Variants in FSTL4 observed in about 807,000 individuals in gnomAD.
FSTL4 encodes follistatin like 4.
A neutral mutation model predicts 78.2 loss-of-function variants in FSTL4; 28 were observed. The observed-to-expected ratio is 0.36, with a 90% confidence interval of 0.27 to 0.49. The LOEUF (loss-of-function observed/expected upper bound fraction) is 0.49. Ranked by LOEUF, FSTL4 falls within the 20% of genes least tolerant of loss-of-function variation. The pLI, the probability that FSTL4 is intolerant of heterozygous loss-of-function variation, is 0.98. For missense variants in FSTL4, 922 were observed against 1,084.9 expected (o/e 0.85, Z 2.11); for synonymous variants, 422 against 440.5 (o/e 0.96, Z 0.53).
chr5:133,341,318 C>G (rs552256011), intron 4 of FSTL4, among the ~76,000 whole-genome samples: 1 of 147,100 alleles, frequency 6.8e-6, no homozygotes, highest in East Asian at 2.0e-4. Context: ...AATTCAAACA[C>G]ATGCACATTA....
the FSTL4 span, among the ~76,000 whole-genome samples, chr5:133,683,560 A>G: frequency 6.6e-6 from 1 of 152,204 alleles, no homozygotes; most frequent in African/African-American, 2.4e-5. Flanking sequence ...TTCACAGGCC[A>G]TGCATCAAGA....
intron 4 of FSTL4, among the ~76,000 whole-genome samples, chr5:133,357,196 C>G (rs1754960514): frequency 6.6e-6 from 1 of 152,188 alleles, no homozygotes; most frequent in African/African-American, 2.4e-5. Flanking sequence ...TTCACCTCAG[C>G]TGGCCTTGGA....
rs373202386 is a variant in FSTL4 at position 133,291,802 on chromosome 5, G to C, written c.727+20852C>G. On this transcript the variant is annotated intron_variant, in intron 6 of 15. Transcript: ENST00000265342. Reference sequence around the variant, plus strand: ...GGGTGTGGACGGAGCACAGAGGGAAGCCAGGGGTCAGGATGAAGGCCATGG... The same window carrying C: ...GGGTGTGGACGGAGCACAGAGGGAACCCAGGGGTCAGGATGAAGGCCATGG... Among the ~76,000 whole-genome samples the C allele has an allele frequency of 3.7e-3, 570 of 152,278 alleles. 2 individuals carry two copies. Among genetic ancestry groups the C allele is most frequent in the Middle Eastern group, 0.014 (4 of 294 alleles).
At chr5:133,492,264 A>G (rs1348456856) in intron 3 of FSTL4, among the ~76,000 whole-genome samples, 3 of 152,198 alleles carry the variant, frequency 2.0e-5, no homozygotes, top group South Asian at 4.1e-4. Context: ...TTTATTATCA[A>G]TGCTTTTCTT....
chr5:133,257,588 C>A (rs946001680), intron 6 of FSTL4, among the ~76,000 whole-genome samples: 5 of 152,140 alleles, frequency 3.3e-5, no homozygotes, highest in African/African-American at 1.2e-4. Context: ...GAACTCAGTG[C>A]CCAGGGGCTG....
rs199617112 is a variant in FSTL4, at chr5:133,316,462, A to G, written c.600T>C (p.Ala200=). The stretch of plus-strand genomic sequence containing the variant: ...TTTCACTGAACACGATGCCCACCTG[A>G]GCCAGTTCGGAGCTGCTGAGGTGGC... ...GNGHLSSSEL[A]QHVLKKQDLD... is the part of the protein sequence containing the mutation. Residue 200 remains alanine (A), a synonymous_variant, in exon 5 of 16, where the codon GCT becomes GCC. Coordinates refer to ENST00000265342, the MANE Select transcript of FSTL4 (RefSeq NM_015082.2). The G allele has an allele frequency of 3.1e-6, 5 of 1,612,892 alleles. No homozygotes were observed. The highest frequency in any genetic ancestry group is 1.7e-4 in the Middle Eastern group (1 of 6,058).
chr5:133,213,590 A>C lies in FSTL4; in HGVS notation c.1609-3292T>G, dbSNP rs900270067. On this transcript the variant is annotated intron_variant, in intron 13 of 15. Coordinates refer to ENST00000265342, the MANE Select transcript of FSTL4 (RefSeq NM_015082.2). ...AATTTGTATGAGACTGTATTGATGC[A>C]ATGATGCATGTTATAATCACTATTA... Among the ~76,000 whole-genome samples, 6 of 152,222 alleles carry C rather than the reference A, an allele frequency of 3.9e-5. No individual in the cohort carries two copies. In the East Asian group the frequency reaches 1.2e-3, roughly 29 times the overall value.
At chr5:133,529,252 T>C (rs1042574980) in intron 3 of FSTL4, among the ~76,000 whole-genome samples, 1 of 152,228 alleles carries the variant, frequency 6.6e-6, no homozygotes, top group African/African-American at 2.4e-5. Flanking sequence ...TCAGAAAAGA[T>C]AAATGACTTG....
chr5:133,659,279 A>G, the FSTL4 span, among the ~76,000 whole-genome samples: 1 of 152,248 alleles, frequency 6.6e-6, no homozygotes, highest in South Asian at 2.1e-4. Flanking sequence ...ATGACACATT[A>G]TCAGAGGTGT....
intron 3 of FSTL4, among the ~76,000 whole-genome samples, chr5:133,473,867 C>G (rs1372803270): frequency 6.6e-6 from 1 of 152,114 alleles, no homozygotes; most frequent in Non-Finnish European, 1.5e-5. Context: ...ATAAAACCAT[C>G]AGATCTTGTG....
At chr5:133,810,224 C>A in the FSTL4 span, among the ~76,000 whole-genome samples, 3 of 152,202 alleles carry the variant, frequency 2.0e-5, no homozygotes, top group African/African-American at 7.2e-5. Flanking sequence ...CTAGGGTTGC[C>A]CCTCTTACAA....
the FSTL4 span, among the ~76,000 whole-genome samples, chr5:133,798,078 T>C: frequency 1.6e-3 from 249 of 152,284 alleles, 1 homozygote; most frequent in African/African-American, 5.8e-3. Flanking sequence ...CCAAAGCAAG[T>C]GCAACTTGGC....
the FSTL4 span, among the ~76,000 whole-genome samples, chr5:133,782,457 T>C: frequency 1.3e-5 from 2 of 152,320 alleles, no homozygotes; most frequent in East Asian, 1.9e-4. Context: ...CAGAAGTAGA[T>C]CTTTGACCTA....
At chr5:133,516,503 G>A (rs536957275) in intron 3 of FSTL4, among the ~76,000 whole-genome samples, 1 of 152,234 alleles carries the variant, frequency 6.6e-6, no homozygotes, top group South Asian at 2.1e-4. Context: ...AAACAGGAGG[G>A]TTGAGTAAAC....
chr5:133,693,073 T>G, the FSTL4 span, among the ~76,000 whole-genome samples: 1 of 152,196 alleles, frequency 6.6e-6, no homozygotes. Context: ...TTTGAATGAG[T>G]ATGAACTAAA....
At chr5:133,755,464 C>T in the FSTL4 span, among the ~76,000 whole-genome samples, 4 of 152,132 alleles carry the variant, frequency 2.6e-5, no homozygotes, top group African/African-American at 9.7e-5. Flanking sequence ...GGCCCTAAAC[C>T]CAAAGCAGTA....
intron 6 of FSTL4, among the ~76,000 whole-genome samples, chr5:133,277,032 C>G (rs943156358): frequency 6.6e-6 from 1 of 152,174 alleles, no homozygotes; most frequent in Non-Finnish European, 1.5e-5. Context: ...GGGTAATAGG[C>G]TGGGCGCGGT....
chr5:133,417,661 T>C (rs1024716139), intron 3 of FSTL4, among the ~76,000 whole-genome samples: 9 of 151,910 alleles, frequency 5.9e-5, no homozygotes, highest in Non-Finnish European at 1.3e-4. Context: ...AGGGGAACAA[T>C]AAGAATGAGG....
upstream of FSTL4, among the ~76,000 whole-genome samples, chr5:133,615,941 A>C (rs1447880452): frequency 2.6e-5 from 4 of 152,194 alleles, no homozygotes; most frequent in Non-Finnish European, 5.9e-5. Flanking sequence ...AATGGTAAAA[A>C]TGGAGGGAGA....
Sources: allele counts gnomAD v4.1 joint callset (sites outside exome capture counted in the v4.1 genomes callset), GRCh38; gene constraint gnomAD v4.1.1; transcripts MANE v1.5; gene names NCBI Gene and HGNC (gene_info 2026-07-23, HGNC 2026-07-21).